The following KLHL29 variants were observed in gnomAD, a reference collection of about 807,000 sequenced individuals.
KLHL29 encodes the protein kelch-like protein 29.
In KLHL29, 21 loss-of-function variants were observed where a neutral mutation model predicts 80.4. That is an observed-to-expected ratio of 0.26 (90% CI 0.19 to 0.38). KLHL29 has a LOEUF of 0.38. KLHL29 is among the 10% of genes least tolerant of loss of function. The pLI is 1.00. For synonymous variants in KLHL29, 511 were observed against 526.8 expected, an observed-to-expected ratio of 0.97 and a Z score of 0.41; for missense variants, 867 against 1,223.9, an observed-to-expected ratio of 0.71 and a Z score of 4.35.
chr2:23,549,194 C>T (rs1321296466), intron 2 of KLHL29, among the ~76,000 whole-genome samples: 1 of 152,218 alleles, frequency 6.6e-6, no homozygotes, highest in African/African-American at 2.4e-5. Context: ...TGGTGCTCCT[C>T]GCTGCCAGTA....
intron 2 of KLHL29, among the ~76,000 whole-genome samples, chr2:23,527,999 G>T (rs1182037602): frequency 6.6e-6 from 1 of 152,218 alleles, no homozygotes; most frequent in East Asian, 1.9e-4. Flanking sequence ...GGAGTTAATG[G>T]CGGCTGTGAA....
At chr2:23,558,409 CTTT>C (rs749980959) in intron 2 of KLHL29, among the ~76,000 whole-genome samples, 1 of 53,372 alleles carries the variant, frequency 1.9e-5, no homozygotes, top group African/African-American at 6.3e-5. Context: ...GACATTTTCT[CTTT>C]TTTTTTTTTT....
intron 3 of KLHL29, among the ~76,000 whole-genome samples, chr2:23,599,943 G>A (rs1408032387): frequency 6.6e-6 from 1 of 152,168 alleles, no homozygotes; most frequent in East Asian, 1.9e-4. Context: ...TACCCCAAAG[G>A]CCCAAGCCCC....
intron 2 of KLHL29, among the ~76,000 whole-genome samples, chr2:23,522,504 G>T (rs975615285): frequency 6.6e-6 from 1 of 152,090 alleles, no homozygotes; most frequent in Non-Finnish European, 1.5e-5. Context: ...GATCACAGAA[G>T]GATGCTTGTT....
chr2:23,634,663 C>T (rs1271480581), intron 3 of KLHL29, among the ~76,000 whole-genome samples: 1 of 152,180 alleles, frequency 6.6e-6, no homozygotes, highest in Non-Finnish European at 1.5e-5. Context: ...CTAATGAGTT[C>T]TGCTGGTCAG....
chr2:23,684,083 A>G lies in KLHL29; in HGVS notation c.941-316A>G, dbSNP rs994092488. Among the ~76,000 whole-genome samples, 1 of 152,082 alleles carries G rather than the reference A, an allele frequency of 6.6e-6. No homozygotes were observed. Among genetic ancestry groups the G allele is most frequent in the Non-Finnish European group, 1.5e-5 (1 of 68,030 alleles). On this transcript the variant is annotated intron_variant, in intron 5 of 13. Transcript: ENST00000486442. The surrounding 1 kb of genome is among the most constrained non-coding windows in gnomAD (Gnocchi z 4.4). ...AGTTGTCTGTGATAATGTATTCTCT[A>G]TGTTTCCAATCGTCAGTATGGGAAT...
intron 5 of KLHL29, among the ~76,000 whole-genome samples, chr2:23,655,320 C>T (rs545981930): frequency 7.6e-4 from 115 of 152,274 alleles, no homozygotes; most frequent in African/African-American, 2.6e-3. Flanking sequence ...GAGCCAATTC[C>T]GTGCAAAGAT....
At chr2:23,611,896 A>T (rs999201720) in intron 3 of KLHL29, among the ~76,000 whole-genome samples, 1 of 151,692 alleles carries the variant, frequency 6.6e-6, no homozygotes, top group African/African-American at 2.4e-5. Flanking sequence ...AAAAAAAAAA[A>T]GGATTATGAA....
intron 6 of KLHL29, among the ~76,000 whole-genome samples, chr2:23,688,008 C>A (rs527528645): frequency 6.6e-6 from 1 of 152,138 alleles, no homozygotes; most frequent in Non-Finnish European, 1.5e-5. Flanking sequence ...AGAAGGGTCC[C>A]GGCAAAGTCC....
chr2:23,419,140 C>T (rs540104818), intron 1 of KLHL29, among the ~76,000 whole-genome samples: 30 of 152,286 alleles, frequency 2.0e-4, no homozygotes, highest in African/African-American at 6.0e-4. Context: ...TCAGAAAACT[C>T]GGCTTCCAGA....
intron 1 of KLHL29, among the ~76,000 whole-genome samples, chr2:23,453,590 G>A (rs1171301684): frequency 6.6e-6 from 1 of 152,216 alleles, no homozygotes; most frequent in East Asian, 1.9e-4. Context: ...GCAGCCCCAG[G>A]ATGCCCACTG....
chr2:23,512,983 G>A (rs1477372610), intron 2 of KLHL29, among the ~76,000 whole-genome samples: 1 of 152,256 alleles, frequency 6.6e-6, no homozygotes, highest in African/African-American at 2.4e-5. Flanking sequence ...GTGGGCTGTG[G>A]GATGTGGCTC....
rs1338630663 is a variant in KLHL29 at position 23,626,315 on chromosome 2, C to T, written c.286-12824C>T. On this transcript the variant is annotated intron_variant, in intron 3 of 13. Coordinates refer to ENST00000486442, the MANE Select transcript of KLHL29 (RefSeq NM_052920.2). The stretch of plus-strand genomic sequence containing the variant: ...AGTTGCAAATACAGATGAAGCTTCA[C>T]TCACTCACCCATCACTCGCCTCCTG... Among the ~76,000 whole-genome samples, 3 of 152,314 alleles carry T rather than the reference C, an allele frequency of 2.0e-5. No individual in the cohort carries two copies. The East Asian group carries it at 5.8e-4, about 29-fold the overall frequency.
intron 1 of KLHL29, among the ~76,000 whole-genome samples, chr2:23,434,653 A>G (rs1039814616): frequency 7.2e-5 from 11 of 152,126 alleles, no homozygotes; most frequent in Non-Finnish European, 1.3e-4. Flanking sequence ...TTTTATATAC[A>G]TTTTCTACAA....
intron 1 of KLHL29, among the ~76,000 whole-genome samples, chr2:23,418,837 T>C (rs192322734): frequency 2.7e-4 from 41 of 152,286 alleles, no homozygotes; most frequent in Non-Finnish European, 2.9e-5. Flanking sequence ...GCATTGTGTT[T>C]GACTCACAGC....
chr2:23,622,966 C>G (rs929641024), intron 3 of KLHL29, among the ~76,000 whole-genome samples: 14 of 152,192 alleles, frequency 9.2e-5, no homozygotes, highest in Non-Finnish European at 1.8e-4. Context: ...CAGCTGGGCT[C>G]CAGAGTCCTA....
chr2:23,477,166 G>A (rs58192135), intron 2 of KLHL29, among the ~76,000 whole-genome samples: 5,710 of 152,350 alleles, frequency 0.037, 329 homozygotes, highest in African/African-American at 0.13. Context: ...GCAGCCCCGG[G>A]ACTGCTGTAT....
intron 1 of KLHL29, among the ~76,000 whole-genome samples, chr2:23,438,368 A>AG (rs1398995060): frequency 6.8e-6 from 1 of 146,602 alleles, no homozygotes; most frequent in African/African-American, 2.6e-5. Context: ...GTGGTGAGAG[A>AG]GGGCATCCCT....
chr2:23,480,320 C>T (rs1404930264), intron 2 of KLHL29, among the ~76,000 whole-genome samples: 6 of 152,136 alleles, frequency 3.9e-5, no homozygotes, highest in Non-Finnish European at 8.8e-5. Context: ...AACCCCATCT[C>T]TACTATAAAT....
Sources: gnomAD v4.1 joint callset for allele counts (sites outside exome capture counted in the v4.1 genomes callset) on GRCh38, gnomAD v4.1.1 for gene constraint, Gnocchi (gnomAD v3.1) non-coding constraint, MANE v1.5 for transcripts, NCBI Gene and HGNC (gene_info 2026-07-23, HGNC 2026-07-21) for gene names.